The following KCNN3 variants were observed in gnomAD, a reference collection of about 807,000 sequenced individuals.
KCNN3 encodes the protein small conductance calcium-activated potassium channel protein 3.
Under a neutral mutation model 62.9 loss-of-function variants are expected in KCNN3, and 16 were observed. The ratio of observed to expected loss-of-function variants is 0.25; its 90% CI spans 0.17 to 0.39. The LOEUF (loss-of-function observed/expected upper bound fraction) is 0.39, where lower values mean the gene tolerates loss of function less well. Ranked by LOEUF, KCNN3 falls within the 10% of genes least tolerant of loss-of-function variation. The pLI is 1.00. For synonymous variants in KCNN3, 370 were observed against 389.2 expected (o/e 0.95, Z 0.58); for missense variants, 599 against 949.4 (o/e 0.63, Z 4.85).
intron 2 of KCNN3, among the ~76,000 whole-genome samples, chr1:154,819,194 C>T (rs1387225842): frequency 6.6e-6 from 1 of 152,198 alleles, no homozygotes; most frequent in Non-Finnish European, 1.5e-5. Flanking sequence ...CCTTCCTCCA[C>T]TCGCAGGAAG....
At chr1:154,851,786 A>C (rs1387766210) in intron 1 of KCNN3, among the ~76,000 whole-genome samples, 1 of 152,074 alleles carries the variant, frequency 6.6e-6, no homozygotes, top group Non-Finnish European at 1.5e-5. Flanking sequence ...CCCTGGCTTG[A>C]CCCTCCCTGT....
Position 154,737,679 on chromosome 1 carries a change from GA to G in KCNN3, c.1449-4536del, listed in dbSNP as rs539993230. 8.0e-4 allele frequency among the ~76,000 whole-genome samples: 122 copies of G among 152,182 alleles called. 1 individual carries two copies. The highest frequency in any genetic ancestry group is 7.9e-3 in the Admixed American group (121 of 15,296). On this transcript the variant is annotated intron_variant, in intron 3 of 7. Coordinates refer to ENST00000271915, the MANE Select transcript of KCNN3 (RefSeq NM_002249.6). ...ACGAGACAAGAATGGAATGCTGTAT[GA>G]AAAAAGTCTTCCTAGAGGGGCTGGA...
intron 3 of KCNN3, among the ~76,000 whole-genome samples, chr1:154,745,974 A>G (rs1302327756): frequency 6.6e-6 from 1 of 152,176 alleles, no homozygotes; most frequent in East Asian, 1.9e-4. Flanking sequence ...GCCACCTGTT[A>G]GCTGTGTGGC....
At chr1:154,776,631 G>A (rs779572954) in intron 2 of KCNN3, among the ~76,000 whole-genome samples, 1 of 152,098 alleles carries the variant, frequency 6.6e-6, no homozygotes, top group African/African-American at 2.4e-5. Flanking sequence ...GCTCCCTCCC[G>A]ATTCAGAGCA....
At chr1:154,837,955 G>A (rs566698350) in intron 1 of KCNN3, among the ~76,000 whole-genome samples, 2 of 152,290 alleles carry the variant, frequency 1.3e-5, no homozygotes, top group South Asian at 2.1e-4. Flanking sequence ...GGAGGAAGGC[G>A]CTCTCGCAGG....
chr1:154,738,807 T>C (rs542328254), intron 3 of KCNN3, among the ~76,000 whole-genome samples: 1 of 152,168 alleles, frequency 6.6e-6, no homozygotes, highest in Non-Finnish European at 1.5e-5. Context: ...CATTAACAAC[T>C]CCAGGAAAAA....
chr1:154,824,882 T>C (rs1196258399), intron 1 of KCNN3, among the ~76,000 whole-genome samples: 1 of 152,192 alleles, frequency 6.6e-6, no homozygotes, highest in Non-Finnish European at 1.5e-5. Context: ...ACAACCTCCC[T>C]GGCCAGCTCC....
At chr1:154,773,820 G>T (rs2101841595) in intron 2 of KCNN3, among the ~76,000 whole-genome samples, 1 of 152,338 alleles carries the variant, frequency 6.6e-6, no homozygotes, top group South Asian at 2.1e-4. Flanking sequence ...CCCTGTAAGG[G>T]GATGTAAAGA....
rs764907068 is a variant in KCNN3, at chr1:154,708,230, G to C, written c.1942C>G (p.Arg648Gly). 6.2e-7 allele frequency: 1 copy of C among 1,613,800 alleles called. No individual in the cohort carries two copies. Among genetic ancestry groups the C allele is most frequent in the Non-Finnish European group, 8.5e-7 (1 of 1,179,928 alleles). The change falls in exon 8 of 8, where the codon CGG (arginine) becomes GGG (glycine). Residue 648 changes from arginine to glycine, a missense_variant. Arg to Gly is a moderately radical substitution (Grantham distance 125). Transcript: ENST00000271915. ...ATCTGCTTCTCCAGGTCTTCGCTCC[G>C]GTCATTGAGTTCTGTGATTAAGTCA... The part of the protein sequence containing the change: ...MYDLITELND[R>G]SEDLEKQIGS...
chr1:154,844,235 C>G (rs1045001058), intron 1 of KCNN3, among the ~76,000 whole-genome samples: 2 of 152,208 alleles, frequency 1.3e-5, no homozygotes, highest in Admixed American at 6.5e-5. Context: ...TATTAGTACG[C>G]GTTCTTGTCA....
At chr1:154,786,071 G>A (rs769460703) in intron 2 of KCNN3, among the ~76,000 whole-genome samples, 11 of 152,068 alleles carry the variant, frequency 7.2e-5, no homozygotes, top group Non-Finnish European at 1.2e-4. Context: ...CTTCTTGATC[G>A]TCCATCTGAG....
intron 3 of KCNN3, among the ~76,000 whole-genome samples, chr1:154,761,829 A>G (rs1173448342): frequency 6.6e-6 from 1 of 151,898 alleles, no homozygotes; most frequent in Non-Finnish European, 1.5e-5. Flanking sequence ...AATTTCAGCT[A>G]CTCGGGAGGC....
chr1:154,758,039 A>G (rs1647811003), intron 3 of KCNN3, among the ~76,000 whole-genome samples: 1 of 152,220 alleles, frequency 6.6e-6, no homozygotes, highest in Non-Finnish European at 1.5e-5. Context: ...CCGCCAGCCT[A>G]TGGTACTTGA....
chr1:154,810,966 T>TA lies in KCNN3; in HGVS notation c.1029+11122dup, dbSNP rs1650381685. On this transcript the variant is annotated intron_variant, in intron 2 of 7. Transcript: ENST00000271915. The stretch of plus-strand genomic sequence containing the variant: ...GCCACATGACTGTGGACACATCTCT[T>TA]ACCTTCTCTGCTTCAGTTGCTTTAT... Among the ~76,000 whole-genome samples the TA allele has an allele frequency of 2.0e-5, 3 of 152,212 alleles. No homozygotes were observed. In the South Asian group the frequency reaches 6.2e-4, roughly 32 times the overall value.
chr1:154,855,974 G>T (rs1440209628), intron 1 of KCNN3, among the ~76,000 whole-genome samples: 3 of 152,136 alleles, frequency 2.0e-5, no homozygotes, highest in Non-Finnish European at 4.4e-5. Context: ...CAGACGTGGT[G>T]CCTCCTCCCG....
At chr1:154,868,493 G>T in intron 1 of KCNN3, 1 of 196,988 alleles carries the variant, frequency 5.1e-6, no homozygotes, top group Non-Finnish European at 9.1e-6. Flanking sequence ...TTGGGCAATG[G>T]TACGGAATCC....
At chr1:154,782,693 G>A (rs1649100115) in intron 2 of KCNN3, among the ~76,000 whole-genome samples, 1 of 152,214 alleles carries the variant, frequency 6.6e-6, no homozygotes, top group Non-Finnish European at 1.5e-5. Flanking sequence ...TGTGGGCCGA[G>A]CCAGGTGATT....
chr1:154,778,162 C>A (rs10908438), intron 2 of KCNN3, among the ~76,000 whole-genome samples: 71,635 of 151,930 alleles, frequency 0.47, 17,169 homozygotes, highest in Middle Eastern at 0.6. Context: ...GAGAACTTGC[C>A]GGATTTTCAG....
chr1:154,747,218 C>A (rs1342675459), intron 3 of KCNN3, among the ~76,000 whole-genome samples: 1 of 152,194 alleles, frequency 6.6e-6, no homozygotes, highest in Non-Finnish European at 1.5e-5. Flanking sequence ...ATCCCAGCCA[C>A]CACTGTACCC....
Sources: allele counts gnomAD v4.1 joint callset (sites outside exome capture counted in the v4.1 genomes callset), GRCh38; gene constraint gnomAD v4.1.1; transcripts MANE v1.5; gene names NCBI Gene and HGNC (gene_info 2026-07-23, HGNC 2026-07-21).